Variants in GLCCI1 observed in about 807,000 individuals in gnomAD.
GLCCI1 encodes the protein glucocorticoid-induced transcript 1 protein.
GLCCI1 carries 24 observed loss-of-function variants against 52.2 expected under a neutral mutation model. The ratio of observed to expected loss-of-function variants is 0.46; its 90% CI spans 0.33 to 0.65. The LOEUF (loss-of-function observed/expected upper bound fraction) is 0.65, where lower values mean the gene tolerates loss of function less well. GLCCI1 is among the 30% of genes least tolerant of loss of function. The pLI is 0.02. For synonymous variants in GLCCI1, 310 were observed against 276.5 expected, an observed-to-expected ratio of 1.12 and a Z score of -1.20; for missense variants, 704 against 701.5, an observed-to-expected ratio of 1.00 and a Z score of -0.04.
intron 1 of GLCCI1, among the ~76,000 whole-genome samples, chr7:7,990,057 A>G (rs1780809015): frequency 6.6e-6 from 1 of 152,136 alleles, no homozygotes; most frequent in African/African-American, 2.4e-5. Flanking sequence ...AAAGGAGAGA[A>G]AAAATCCACT....
chr7:8,061,895 C>T (rs1020942185), intron 5 of GLCCI1, among the ~76,000 whole-genome samples: 8 of 151,636 alleles, frequency 5.3e-5, no homozygotes, highest in African/African-American at 1.5e-4. Context: ...TCGAACTCCT[C>T]ACCTCAAGTG....
At chr7:8,032,958 A>G (rs776872817) in intron 3 of GLCCI1, among the ~76,000 whole-genome samples, 1 of 151,982 alleles carries the variant, frequency 6.6e-6, no homozygotes, top group Non-Finnish European at 1.5e-5. Flanking sequence ...TCAAGAAAAT[A>G]AAACAAGATG....
chr7:7,997,880 T>C (rs1780966609), intron 1 of GLCCI1, among the ~76,000 whole-genome samples: 1 of 151,580 alleles, frequency 6.6e-6, no homozygotes, highest in African/African-American at 2.4e-5. Flanking sequence ...TGAGCCGAGA[T>C]CATACCACTG....
intron 4 of GLCCI1, among the ~76,000 whole-genome samples, chr7:8,056,379 C>G (rs976161330): frequency 2.6e-5 from 4 of 152,142 alleles, no homozygotes; most frequent in Non-Finnish European, 4.4e-5. Flanking sequence ...GAAATCTTTA[C>G]TTCCTTCATT....
rs1247528463 is a variant in GLCCI1 at position 8,086,561 on chromosome 7, C to T, written c.*23C>T. The T allele has an allele frequency of 5.2e-6, 8 of 1,539,684 alleles. No homozygotes were observed. Among genetic ancestry groups the T allele is most frequent in the Non-Finnish European group, 7.0e-6 (8 of 1,143,928 alleles). ...TAAAAAAGGGGGAGCTGGCCTCCAC[C>T]CTATGTTCCATGGATTCGGAACAAG... On this transcript the variant is annotated 3_prime_UTR_variant, in exon 8 of 8. Transcript: ENST00000223145. The surrounding 1 kb of genome is among the most constrained non-coding windows in gnomAD (Gnocchi z 4.4).
chr7:7,983,908 G>A (rs186421567), intron 1 of GLCCI1, among the ~76,000 whole-genome samples: 21 of 152,312 alleles, frequency 1.4e-4, no homozygotes, highest in Admixed American at 9.8e-4. Flanking sequence ...GCTCTTGCTG[G>A]TAGAGATAGG....
intron 1 of GLCCI1, among the ~76,000 whole-genome samples, chr7:7,970,924 G>A (rs2115398141): frequency 1.3e-5 from 1 of 75,470 alleles, no homozygotes; most frequent in South Asian, 5.6e-4. Context: ...TGTTTATGTG[G>A]TATGTGGAAT....
At chr7:7,996,703 G>A (rs1407480890) in intron 1 of GLCCI1, among the ~76,000 whole-genome samples, 2 of 152,152 alleles carry the variant, frequency 1.3e-5, no homozygotes, top group Non-Finnish European at 2.9e-5. Flanking sequence ...TGGACCTCAG[G>A]TTACAGAGTT....
At chr7:8,032,932 GT>G (rs1212901610) in intron 3 of GLCCI1, among the ~76,000 whole-genome samples, 4 of 151,822 alleles carry the variant, frequency 2.6e-5, no homozygotes, top group Admixed American at 6.6e-5. Flanking sequence ...TCCTTTCAAA[GT>G]CAGGCAAAGA....
Position 7,976,921 on chromosome 7 carries a change from C to CAA in GLCCI1, c.457+7128_457+7129dup, listed in dbSNP as rs35442365. ...TGGGTGCTAGAGTGGGGTGTTGTCT[C>CAA]AAAAAAAAAAAAAAAGTTAAGAAAT... On this transcript the variant is annotated intron_variant, in intron 1 of 7. Coordinates refer to ENST00000223145, the MANE Select transcript of GLCCI1 (RefSeq NM_138426.4). Among the ~76,000 whole-genome samples, 1,023 of 118,800 alleles carry CAA rather than the reference C, an allele frequency of 8.6e-3. 15 individuals are homozygous for CAA. Among genetic ancestry groups the CAA allele is most frequent in the African/African-American group, 0.029 (954 of 32,994 alleles). 77.9% of individuals were successfully genotyped at this position (118,800 alleles called of 152,430 possible). A position where few individuals can be genotyped will look rare whatever the true frequency, so the allele number is the denominator to read the frequency against.
chr7:8,086,011 T>C lies in GLCCI1; in HGVS notation c.1299-182T>C, dbSNP rs1433191076. 6.6e-6 allele frequency among the ~76,000 whole-genome samples: 1 copy of C among 152,222 alleles called. No homozygotes were observed. The highest frequency in any genetic ancestry group is 2.4e-5 in the African/African-American group (1 of 41,472). On this transcript the variant is annotated intron_variant, in intron 7 of 7. Coordinates refer to ENST00000223145, the MANE Select transcript of GLCCI1 (RefSeq NM_138426.4). This position sits in a 1 kb window ranked among gnomAD's most constrained non-coding sequence, Gnocchi z 4.4. ...TTTGTCTCAAATACCACTTCAGTGCTGTGTGCATGAATAGTCTGCCAGCTG... is the reference window on the plus strand; with the variant it reads ...TTTGTCTCAAATACCACTTCAGTGCCGTGTGCATGAATAGTCTGCCAGCTG...
chr7:8,053,915 A>G (rs975075209), intron 3 of GLCCI1, among the ~76,000 whole-genome samples: 5 of 152,332 alleles, frequency 3.3e-5, no homozygotes, highest in African/African-American at 1.2e-4. Flanking sequence ...GGTTTGTAGC[A>G]TAATGTAGGC....
chr7:7,998,024 G>C (rs903298340), intron 1 of GLCCI1, among the ~76,000 whole-genome samples: 1 of 151,428 alleles, frequency 6.6e-6, no homozygotes, highest in African/African-American at 2.4e-5. Context: ...TTCAGACTTA[G>C]GGTTAAATTA....
intron 4 of GLCCI1, chr7:8,055,906 T>A (rs530568170): frequency 6.2e-4 from 101 of 162,342 alleles, no homozygotes; most frequent in Non-Finnish European, 7.9e-4. Context: ...GGCAGCAGAA[T>A]GGTATGAACC....
At chr7:8,021,561 C>A (rs1407237020) in intron 2 of GLCCI1, among the ~76,000 whole-genome samples, 1 of 152,216 alleles carries the variant, frequency 6.6e-6, no homozygotes, top group East Asian at 1.9e-4. Flanking sequence ...TACAGGTGCT[C>A]GCCACCAGGC....
At chr7:8,074,224 AAAT>A (rs1782825765) in intron 6 of GLCCI1, among the ~76,000 whole-genome samples, 2 of 152,048 alleles carry the variant, frequency 1.3e-5, no homozygotes, top group African/African-American at 4.8e-5. Context: ...GAATGTAAAC[AAAT>A]AATACACTAT....
chr7:7,982,092 C>T (rs1313388159), intron 1 of GLCCI1: 8 of 463,162 alleles, frequency 1.7e-5, no homozygotes, highest in African/African-American at 1.2e-4. Context: ...CGTAGCTGAT[C>T]GCAAGAGAGG....
At chr7:8,023,389 C>T (rs147721277) in intron 3 of GLCCI1, among the ~76,000 whole-genome samples, 266 of 151,966 alleles carry the variant, frequency 1.8e-3, no homozygotes, top group East Asian at 0.011. Context: ...TTCTATGACC[C>T]GTTTCCTTAT....
chr7:8,020,389 G>A (rs948271125), intron 2 of GLCCI1, among the ~76,000 whole-genome samples: 1 of 152,048 alleles, frequency 6.6e-6, no homozygotes, highest in African/African-American at 2.4e-5. Flanking sequence ...TTCTTTTGTA[G>A]GTAATTCTTT....
Sources: gnomAD v4.1 joint callset for allele counts (sites outside exome capture counted in the v4.1 genomes callset) on GRCh38, gnomAD v4.1.1 for gene constraint, Gnocchi (gnomAD v3.1) non-coding constraint, MANE v1.5 for transcripts, NCBI Gene and HGNC (gene_info 2026-07-23, HGNC 2026-07-21) for gene names.